Variants in DENND5B observed in about 807,000 individuals in gnomAD.
DENND5B encodes DENN domain-containing protein 5B.
DENND5B carries 34 observed loss-of-function variants against 140.6 expected under a neutral mutation model. The ratio of observed to expected loss-of-function variants is 0.24; its 90% CI spans 0.18 to 0.32. The LOEUF is 0.32. Ranked by LOEUF, DENND5B falls within the 10% of genes least tolerant of loss-of-function variation. The pLI, the probability that DENND5B is intolerant of heterozygous loss-of-function variation, is 1.00. For missense variants in DENND5B, 1,142 were observed against 1,560.2 expected, an observed-to-expected ratio of 0.73 and a Z score of 4.52; for synonymous variants, 551 against 562.1, an observed-to-expected ratio of 0.98 and a Z score of 0.28.
intron 2 of DENND5B, among the ~76,000 whole-genome samples, chr12:31,495,389 C>CTTTTTTTTCT (rs149645342): frequency 7.3e-6 from 1 of 136,206 alleles, no homozygotes. Context: ...CTTTTTTTTT[C>CTTTTTTTTCT]TTTTTTTGAG....
At chr12:31,474,802 G>A (rs748444897) in intron 3 of DENND5B, among the ~76,000 whole-genome samples, 1 of 152,100 alleles carries the variant, frequency 6.6e-6, no homozygotes, top group Non-Finnish European at 1.5e-5. Flanking sequence ...TCATTTAACT[G>A]AAATATTTTT....
chr12:31,560,098 G>C (rs1252922017), intron 1 of DENND5B, among the ~76,000 whole-genome samples: 1 of 151,890 alleles, frequency 6.6e-6, no homozygotes, highest in Non-Finnish European at 1.5e-5. Context: ...TAAATATTTT[G>C]CCTCCATAAT....
intron 2 of DENND5B, among the ~76,000 whole-genome samples, chr12:31,488,598 A>G (rs1287154389): frequency 6.6e-6 from 1 of 152,216 alleles, no homozygotes; most frequent in Non-Finnish European, 1.5e-5. Flanking sequence ...CTATATATCT[A>G]ATCGGGAAAC....
intron 1 of DENND5B, among the ~76,000 whole-genome samples, chr12:31,555,999 G>A (rs568381674): frequency 4.0e-4 from 61 of 152,344 alleles, no homozygotes; most frequent in African/African-American, 1.2e-3. Flanking sequence ...GACCCCTTGC[G>A]CTTCCCGGGT....
chr12:31,404,610 C>T (rs958561743), intron 14 of DENND5B, among the ~76,000 whole-genome samples: 1 of 151,784 alleles, frequency 6.6e-6, no homozygotes, highest in East Asian at 1.9e-4. Context: ...TCTGCCACCT[C>T]GCCCAGCTAA....
intron 1 of DENND5B, chr12:31,535,276 A>T (rs1591998975): frequency 1.1e-5 from 2 of 178,166 alleles, no homozygotes; most frequent in East Asian, 3.5e-4. Flanking sequence ...CTACTTAATG[A>T]ACACTAGGGA....
At chr12:31,464,445 A>G (rs1945163840) in intron 3 of DENND5B, among the ~76,000 whole-genome samples, 1 of 152,134 alleles carries the variant, frequency 6.6e-6, no homozygotes, top group African/African-American at 2.4e-5. Flanking sequence ...CTTTATTTCC[A>G]TCCCAGGAAT....
intron 1 of DENND5B, among the ~76,000 whole-genome samples, chr12:31,528,851 C>G (rs1948177951): frequency 1.3e-5 from 2 of 152,044 alleles, no homozygotes; most frequent in South Asian, 4.1e-4. Flanking sequence ...TTGTAAAGAG[C>G]TGATATTGGA....
chr12:31,448,197 G>C (rs1248867230), intron 5 of DENND5B, among the ~76,000 whole-genome samples: 3 of 151,574 alleles, frequency 2.0e-5, no homozygotes, highest in African/African-American at 7.3e-5. Context: ...GCAGTGGCAC[G>C]ATCTCGGCTC....
chr12:31,428,235 G>A (rs1223150589), intron 8 of DENND5B, among the ~76,000 whole-genome samples: 2 of 150,834 alleles, frequency 1.3e-5, no homozygotes, highest in South Asian at 2.1e-4. Context: ...CCAGCTACTC[G>A]GGAGGCTGAG....
At chr12:31,499,620 G>GCA (rs1198775583) in intron 1 of DENND5B, 10 of 1,500,618 alleles carry the variant, frequency 6.7e-6, no homozygotes, top group Non-Finnish European at 8.9e-6. Context: ...AGTCGTATTT[G>GCA]CAGCACCTTG....
Position 31,452,417 on chromosome 12 carries a change from T to G in DENND5B, c.1152A>C (p.Pro384=). Residue 384 remains proline, a synonymous_variant, in exon 5 of 21, where the codon CCA becomes CCC. Transcript: ENST00000389082. ...TAAAATCCACTTTATTGGGGAACTG[T>G]GGAAATTCTTCAGGCAACTCAATAA... ...NHFIELPEEF[P]QFPNKVDFIQ... 1 of 1,612,548 alleles carries G rather than the reference T, an allele frequency of 6.2e-7. No individual in the cohort carries two copies. The highest frequency in any genetic ancestry group is 1.1e-5 in the South Asian group (1 of 90,618).
At chr12:31,530,834 T>C (rs560507403) in intron 1 of DENND5B, among the ~76,000 whole-genome samples, 14 of 152,338 alleles carry the variant, frequency 9.2e-5, no homozygotes, top group Non-Finnish European at 4.4e-5. Flanking sequence ...CAAGTTTAAG[T>C]TGCTGCTATC....
intron 6 of DENND5B, among the ~76,000 whole-genome samples, chr12:31,445,838 T>G (rs758392997): frequency 3.3e-5 from 5 of 151,814 alleles, no homozygotes; most frequent in Non-Finnish European, 7.4e-5. Context: ...TGAAACCCTG[T>G]CTCTACAAAA....
intron 1 of DENND5B, among the ~76,000 whole-genome samples, chr12:31,531,260 C>T (rs11614939): frequency 0.15 from 22,583 of 151,838 alleles, 1,878 homozygotes; most frequent in East Asian, 0.25. Context: ...AGTGCAATGG[C>T]GCAGTCTCGG....
intron 1 of DENND5B, chr12:31,535,161 G>A: frequency 2.9e-6 from 1 of 343,230 alleles, no homozygotes. Flanking sequence ...AGCCACTCTG[G>A]TACCACTTGC....
chr12:31,446,844 G>A (rs1178771774), intron 6 of DENND5B, among the ~76,000 whole-genome samples: 4 of 149,202 alleles, frequency 2.7e-5, no homozygotes, highest in South Asian at 2.1e-4. Flanking sequence ...CCAAGATGGC[G>A]CCACTGCACT....
At chr12:31,446,084 G>T (rs1021351084) in intron 6 of DENND5B, among the ~76,000 whole-genome samples, 1 of 152,044 alleles carries the variant, frequency 6.6e-6, no homozygotes, top group Non-Finnish European at 1.5e-5. Flanking sequence ...CTATTAATAT[G>T]ATTATTTATT....
At chr12:31,520,298 T>A (rs759565471) in intron 1 of DENND5B, among the ~76,000 whole-genome samples, 1 of 152,196 alleles carries the variant, frequency 6.6e-6, no homozygotes, top group Non-Finnish European at 1.5e-5. Context: ...GCTATAGAAC[T>A]TTTTAACCTT....
Sources: allele counts gnomAD v4.1 joint callset (sites outside exome capture counted in the v4.1 genomes callset), GRCh38; gene constraint gnomAD v4.1.1; transcripts MANE v1.5; gene names NCBI Gene and HGNC (gene_info 2026-07-23, HGNC 2026-07-21).